Variants in EXOC4 observed in about 807,000 individuals in gnomAD.
EXOC4 encodes the protein exocyst complex component 4.
A neutral mutation model predicts 107.2 loss-of-function variants in EXOC4; 71 were observed. That is an observed-to-expected ratio of 0.66 (90% CI 0.55 to 0.81). The LOEUF (loss-of-function observed/expected upper bound fraction) is 0.81, where lower values mean the gene tolerates loss of function less well. Ranked by LOEUF, EXOC4 falls within the 30% of genes least tolerant of loss-of-function variation. The pLI, the probability that EXOC4 is intolerant of heterozygous loss-of-function variation, is 0.00. For synonymous variants in EXOC4, 456 were observed against 441.2 expected (o/e 1.03, Z -0.42); for missense variants, 1,108 against 1,189.6 (o/e 0.93, Z 1.01).
intron 9 of EXOC4, among the ~76,000 whole-genome samples, chr7:133,520,834 A>C (rs1465052838): frequency 6.6e-6 from 1 of 151,960 alleles, no homozygotes. Context: ...ACAACAGCTC[A>C]GTAAAAGAGT....
intron 10 of EXOC4, among the ~76,000 whole-genome samples, chr7:133,773,365 C>T (rs1796282934): frequency 6.6e-6 from 1 of 151,946 alleles, no homozygotes; most frequent in Admixed American, 6.6e-5. Context: ...TTCTCGCTCC[C>T]TGACCCACTT....
chr7:134,029,807 C>A (rs1407101000), intron 17 of EXOC4, among the ~76,000 whole-genome samples: 1 of 152,190 alleles, frequency 6.6e-6, no homozygotes, highest in Non-Finnish European at 1.5e-5. Context: ...AGGCATGAGC[C>A]ACCATGCCTG....
chr7:133,608,546 C>CTTTTTTTTTT (rs1161155238), intron 9 of EXOC4, among the ~76,000 whole-genome samples: 22 of 85,018 alleles, frequency 2.6e-4, no homozygotes, highest in Non-Finnish European at 3.8e-4. Flanking sequence ...TGCTGTATTT[C>CTTTTTTTTTT]TTTTTTTTTT....
chr7:133,767,057 C>T (rs538431238), intron 10 of EXOC4, among the ~76,000 whole-genome samples: 17 of 152,016 alleles, frequency 1.1e-4, no homozygotes, highest in African/African-American at 4.1e-4. Context: ...ATAGCTGCTC[C>T]TTCTTTTTGC....
chr7:133,935,414 C>T (rs1800276796), intron 13 of EXOC4, among the ~76,000 whole-genome samples: 1 of 152,154 alleles, frequency 6.6e-6, no homozygotes, highest in African/African-American at 2.4e-5. Context: ...CTGACCCCAA[C>T]AACATCAGGG....
chr7:133,784,133 A>G (rs1395507108), intron 10 of EXOC4, among the ~76,000 whole-genome samples: 1 of 152,114 alleles, frequency 6.6e-6, no homozygotes, highest in Non-Finnish European at 1.5e-5. Context: ...GAGCTTTATC[A>G]TTTGATTAAC....
In EXOC4 at chr7:133,631,525, ACTT is replaced by A. The variant is rs1388620919; in HGVS notation, c.1514+1385_1514+1387del. ...TAAATATGTAAATTAAATAACAAAAACTTGACTTTCACACAATAAAAAGTTTTT... is the reference window on the plus strand; with the variant it reads ...TAAATATGTAAATTAAATAACAAAAAGACTTTCACACAATAAAAAGTTTTT... On this transcript the variant is annotated intron_variant, in intron 10 of 17. Transcript: ENST00000253861. 2.6e-5 allele frequency among the ~76,000 whole-genome samples: 4 copies of A among 152,190 alleles called. No individual in the cohort carries two copies. In the East Asian group the frequency reaches 7.7e-4, roughly 29 times the overall value.
the EXOC4 span, among the ~76,000 whole-genome samples, chr7:134,083,099 C>T: frequency 2.0e-5 from 3 of 152,104 alleles, no homozygotes; most frequent in Admixed American, 6.5e-5. Flanking sequence ...TTTACATATC[C>T]GTGACTCAGT....
chr7:133,885,134 T>G (rs1422626790), intron 11 of EXOC4, among the ~76,000 whole-genome samples: 1 of 151,896 alleles, frequency 6.6e-6, no homozygotes, highest in Admixed American at 6.6e-5. Flanking sequence ...ACTAACATGG[T>G]GAAACCCCGT....
chr7:133,811,016 A>G (rs1797215889), intron 10 of EXOC4, among the ~76,000 whole-genome samples: 2 of 151,916 alleles, frequency 1.3e-5, no homozygotes, highest in African/African-American at 2.4e-5. Flanking sequence ...CTACTTTACA[A>G]CCTTAAGTTT....
intron 7 of EXOC4, among the ~76,000 whole-genome samples, chr7:133,445,712 T>C (rs1288548890): frequency 6.6e-6 from 1 of 152,100 alleles, no homozygotes; most frequent in African/African-American, 2.4e-5. Flanking sequence ...CTATTCCACA[T>C]TGCCTTACCA....
At position 133,448,799 on chromosome 7, in the gene EXOC4, A is replaced by T. The variant is rs577120222; in HGVS notation, c.1183-26529A>T. Among the ~76,000 whole-genome samples, 4 of 152,250 alleles carry T rather than the reference A, an allele frequency of 2.6e-5. No homozygotes were observed. In the South Asian group the frequency reaches 8.3e-4, roughly 32 times the overall value. Reference sequence around the variant, plus strand: ...TTGGGTCCCAATCTAATGATTAGTGACCTTATAGGAAGATGGAAATTTAGG... The same window carrying T: ...TTGGGTCCCAATCTAATGATTAGTGTCCTTATAGGAAGATGGAAATTTAGG... On this transcript the variant is annotated intron_variant, in intron 7 of 17. Coordinates refer to ENST00000253861, the MANE Select transcript of EXOC4 (RefSeq NM_021807.4).
intron 11 of EXOC4, among the ~76,000 whole-genome samples, chr7:133,863,855 A>G (rs552532125): frequency 2.4e-4 from 37 of 152,128 alleles, no homozygotes; most frequent in Non-Finnish European, 3.5e-4. Context: ...ATTACAATCT[A>G]CTGACCAAAT....
rs540565578 is a variant in EXOC4 at position 133,509,901 on chromosome 7, TTTTC to T, written c.1417+29770_1417+29773del. 2.6e-3 allele frequency among the ~76,000 whole-genome samples: 391 copies of T among 152,308 alleles called. 2 individuals are homozygous for T. Among genetic ancestry groups the T allele is most frequent in the Non-Finnish European group, 4.8e-3 (326 of 68,032 alleles). ...CACTGGATCCCCGTCATCTTACATC[TTTTC>T]TTTCTTCTTCTTTTCACCTAGTGAA... On this transcript the variant is annotated intron_variant, in intron 9 of 17. Coordinates refer to ENST00000253861, the MANE Select transcript of EXOC4 (RefSeq NM_021807.4).
At chr7:133,659,621 C>A (rs986975929) in intron 10 of EXOC4, among the ~76,000 whole-genome samples, 1 of 152,122 alleles carries the variant, frequency 6.6e-6, no homozygotes, top group Admixed American at 6.6e-5. Flanking sequence ...ATTCCTGGTC[C>A]TTACGTTGGA....
intron 7 of EXOC4, among the ~76,000 whole-genome samples, chr7:133,468,280 T>C (rs973819146): frequency 6.6e-6 from 1 of 152,182 alleles, no homozygotes; most frequent in South Asian, 2.1e-4. Flanking sequence ...CCATTGACAA[T>C]GAGTATAATT....
At position 133,787,955 on chromosome 7, in the gene EXOC4, T is replaced by TTTTATATATATATA. The variant is rs774395151; in HGVS notation, c.1515-29369_1515-29368insTTATATATATATAT. Among the ~76,000 whole-genome samples, 52 of 31,636 alleles carry TTTTATATATATATA rather than the reference T, an allele frequency of 1.6e-3. 17 individuals are homozygous for TTTTATATATATATA. Among genetic ancestry groups the TTTTATATATATATA allele is most frequent in the South Asian group, 6.0e-3 (3 of 504 alleles). The allele number at this position is 31,636 out of a possible 152,430, so 20.8% of individuals were successfully genotyped here. The stretch of plus-strand genomic sequence containing the variant: ...AGATACTTCTTCCCTGTGCATATAT[T>TTTTATATATATATA]TATATATTTATATATATATATATAT... On this transcript the variant is annotated intron_variant, in intron 10 of 17. Transcript: ENST00000253861.
intron 17 of EXOC4, among the ~76,000 whole-genome samples, chr7:134,049,702 C>G (rs1228872968): frequency 6.6e-6 from 1 of 152,194 alleles, no homozygotes; most frequent in Non-Finnish European, 1.5e-5. Flanking sequence ...TACTTTCACA[C>G]CAGACTCTGC....
At chr7:134,016,229 TGAGG>T (rs1417305201) in intron 17 of EXOC4, among the ~76,000 whole-genome samples, 9 of 152,174 alleles carry the variant, frequency 5.9e-5, no homozygotes, top group African/African-American at 2.2e-4. Flanking sequence ...ACTGGAAGCT[TGAGG>T]GAAAGGCCGG....
Sources: gnomAD v4.1 joint callset for allele counts (sites outside exome capture counted in the v4.1 genomes callset) on GRCh38, gnomAD v4.1.1 for gene constraint, MANE v1.5 for transcripts, NCBI Gene and HGNC (gene_info 2026-07-23, HGNC 2026-07-21) for gene names.